BEX3: variants seen among roughly 807,000 people sequenced by gnomAD.
BEX3 encodes brain expressed X-linked 3.
A neutral mutation model predicts 6.1 loss-of-function variants in BEX3; 1 was observed. That is an observed-to-expected ratio of 0.16 (90% confidence interval 0.06 to 0.78). The LOEUF (loss-of-function observed/expected upper bound fraction) is 0.78. Among genes scored for constraint, BEX3 ranks in the 30% least tolerant of loss-of-function variants. BEX3 has a pLI of 0.75. For missense variants in BEX3, 49 were observed against 84.7 expected (o/e 0.58, Z 1.65); for synonymous variants, 33 against 25.2 (o/e 1.31, Z -0.93).
At chrX:103,376,533 T>G, upstream of BEX3, 1 of 753,322 alleles carries the variant, frequency 1.3e-6, no homozygotes, top group South Asian at 6.8e-5. Flanking sequence ...TTCGGTGCAG[T>G]CGTCACTCGC....
At position 103,377,532 on chromosome X, in the gene BEX3, C is replaced by T. The variant is rs1326519800; in HGVS notation, c.11C>T (p.Pro4Leu). 4 of 1,208,744 alleles carry T rather than the reference C, an allele frequency of 3.3e-6. No individual in the cohort carries two copies. The highest frequency in any genetic ancestry group is 3.5e-5 in the African/African-American group (2 of 56,902). The change falls in exon 3 of 3, where the codon CCT becomes CTT. Residue 4 changes from proline (P) to leucine (L), a missense_variant. Pro to Leu is a moderately conservative substitution (Grantham distance 98). Coordinates refer to ENST00000361298, the MANE Select transcript of BEX3 (RefSeq NM_206917.3). ...CAGGAAAACGAAGAGATGGAGCAGC[C>T]TATGCAGAATGGAGAGGAAGACCGC... is the stretch of plus-strand genomic sequence containing the variant. MEQ[P>L]MQNGEEDRPL...
chrX:103,378,036 G>A lies in BEX3; in HGVS notation c.*209G>A. ...CAGCAGTAGTTTCACCCATTTGCAT[G>A]GAAAAATTTAAAGCTAATAAAGCAA... On this transcript the variant is annotated 3_prime_UTR_variant, in exon 3 of 3. Coordinates refer to ENST00000361298, the MANE Select transcript of BEX3 (RefSeq NM_206917.3). The A allele has an allele frequency of 2.8e-6, 1 of 359,312 alleles. No homozygotes were observed. Among genetic ancestry groups the A allele is most frequent in the Non-Finnish European group, 4.9e-6 (1 of 203,544 alleles). 29.6% of individuals were successfully genotyped at this position (359,312 alleles called of 1,213,427 possible). A position where few individuals can be genotyped will look rare whatever the true frequency, so the allele number is the denominator to read the frequency against.
rs1927278535 is a variant in BEX3 at position 103,377,667 on chromosome X, G to A, written c.146G>A (p.Gly49Glu). ...WAIPNRQIND[G>E]MGGDGDDMEI... ...ATACCCAATAGGCAGATCAATGATG[G>A]GATGGGTGGAGATGGAGATGATATG... The change falls in exon 3 of 3, where the codon GGG becomes GAG. Residue 49 changes from glycine (G) to glutamate (E), a missense_variant. Transcript: ENST00000361298. 1 of 1,209,087 alleles carries A rather than the reference G, an allele frequency of 8.3e-7. No individual in the cohort carries two copies. Among genetic ancestry groups the A allele is most frequent in the Non-Finnish European group, 1.1e-6 (1 of 894,874 alleles).
intron 1 of BEX3, 68 bp downstream of exon 1, chrX:103,376,681 C>T (rs1927231895): frequency 4.1e-6 from 2 of 489,792 alleles, no homozygotes; most frequent in South Asian, 1.1e-4. Flanking sequence ...GCGACAGGCG[C>T]AGAACAGCGC....
chrX:103,377,074 CG>C lies in BEX3; in HGVS notation c.-43del. ...CGCGGCGCACCTCGCGGCGAGAATC[CG>C]GAGGAGAAGGAGACTGCAAGGATAG... On this transcript the variant is annotated 5_prime_UTR_variant, in exon 2 of 3. Coordinates refer to ENST00000361298, the MANE Select transcript of BEX3 (RefSeq NM_206917.3). The C allele has an allele frequency of 3.2e-6, 1 of 315,008 alleles. No homozygotes were observed. Among genetic ancestry groups the C allele is most frequent in the Non-Finnish European group, 4.3e-6 (1 of 234,195 alleles). The allele number at this position is 315,008 out of a possible 1,213,427, so 26.0% of individuals were successfully genotyped here.
chrX:103,377,001 A>G (rs868027055), intron 1 of BEX3, 27 bp from the exon 2 acceptor site: 1 of 46,975 alleles, frequency 2.1e-5, no homozygotes. Flanking sequence ...CCCACCCCCC[A>G]CAACCCCCAC....
intron 1 of BEX3, 102 bp downstream of exon 1, chrX:103,376,715 C>A (rs1417932523): frequency 3.6e-6 from 1 of 276,954 alleles, no homozygotes; most frequent in African/African-American, 3.0e-5. Flanking sequence ...CAGCTTTCTC[C>A]ACACCCCAAC....
Position 103,377,606 on chromosome X carries a change from C to G in BEX3, c.85C>G (p.Gln29Glu), listed in dbSNP as rs374835841. The G allele has an allele frequency of 8.3e-7, 1 of 1,209,626 alleles. No homozygotes were observed. The highest frequency in any genetic ancestry group is 1.8e-5 in the African/African-American group (1 of 56,968). The change falls in exon 3 of 3, where the codon CAG becomes GAG. Residue 29 changes from glutamine (Q) to glutamate (E), a missense_variant. By Grantham distance (29) the Gln-to-Glu change is conservative (BLOSUM62 2). Coordinates refer to ENST00000361298, the MANE Select transcript of BEX3 (RefSeq NM_206917.3). The stretch of plus-strand genomic sequence containing the variant: ...CCAGCCTGCAGGAAATCGACGGGGA[C>G]AGGCTCGCCGACTTGCCCCTAATTT... The part of the protein sequence containing the change: ...GHQPAGNRRG[Q>E]ARRLAPNFRW...
In BEX3 at chrX:103,376,679, C is replaced by T. The variant is rs1474945286; in HGVS notation, c.-92+66C>T. Reference sequence around the variant, plus strand: ...GCGGCTGACCGACCTCGGCGACAGGCGCAGAACAGCGCAGGGGGTCCCCGC... The same window carrying T: ...GCGGCTGACCGACCTCGGCGACAGGTGCAGAACAGCGCAGGGGGTCCCCGC... On this transcript the variant is annotated intron_variant, in intron 1 of 2. Transcript: ENST00000361298. 8.3e-6 allele frequency: 4 copies of T among 480,486 alleles called. No individual in the cohort carries two copies. In the African/African-American group the frequency reaches 1.1e-4, roughly 13 times the overall value. 39.6% of individuals were successfully genotyped at this position (480,486 alleles called of 1,213,427 possible). A position where few individuals can be genotyped will look rare whatever the true frequency, so the allele number is the denominator to read the frequency against.
chrX:103,376,680 G>A (rs1927231777), intron 1 of BEX3, 67 bp downstream of exon 1: 1 of 487,567 alleles, frequency 2.1e-6, no homozygotes. Flanking sequence ...GGCGACAGGC[G>A]CAGAACAGCG....
At chrX:103,376,363 A>T, upstream of BEX3, 1 of 547,039 alleles carries the variant, frequency 1.8e-6, no homozygotes, top group Non-Finnish European at 2.2e-6. Context: ...GGGGCACCTC[A>T]TGCAGACGGG....
At position 103,378,079 on chromosome X, in the gene BEX3, A is replaced by T; in HGVS notation, c.*252A>T. The T allele has an allele frequency of 3.0e-6, 1 of 333,928 alleles. No individual in the cohort carries two copies. The highest frequency in any genetic ancestry group is 8.5e-4 in the Middle Eastern group (1 of 1,172). The allele number at this position is 333,928 out of a possible 1,213,427, so 27.5% of individuals were successfully genotyped here. On this transcript the variant is annotated 3_prime_UTR_variant, in exon 3 of 3. Transcript: ENST00000361298. ...TAAAGCAATTTAAAAAGCAATCTAT[A>T]CATTTATTGTCTCATTAAAAATGTA... is the stretch of plus-strand genomic sequence containing the variant.
At position 103,377,600 on chromosome X, in the gene BEX3, C is replaced by G. The variant is rs755423227; in HGVS notation, c.79C>G (p.Arg27Gly). 1 of 1,211,602 alleles carries G rather than the reference C, an allele frequency of 8.3e-7. No individual in the cohort carries two copies. The highest frequency in any genetic ancestry group is 2.2e-5 in the Admixed American group (1 of 46,047). ...GEGHQPAGNR[R>G]GQARRLAPNF... ...AGGCCACCAGCCTGCAGGAAATCGA[C>G]GGGGACAGGCTCGCCGACTTGCCCC... Residue 27 changes from arginine (R) to glycine (G), a missense_variant, in exon 3 of 3, where the codon CGG becomes GGG. By Grantham distance (125) the Arg-to-Gly change is moderately radical (BLOSUM62 -2). Coordinates refer to ENST00000361298, the MANE Select transcript of BEX3 (RefSeq NM_206917.3).
At chrX:103,376,647 G>T (rs987506674) in intron 1 of BEX3, 34 bp downstream of exon 1, 36 of 690,656 alleles carry the variant, frequency 5.2e-5, no homozygotes, top group Non-Finnish European at 6.2e-5. Flanking sequence ...CCCCGGCCAT[G>T]CCAGCAGCGG....
At chrX:103,377,466 A>C in intron 2 of BEX3, 44 bp from the exon 3 acceptor site, 1 of 1,182,047 alleles carries the variant, frequency 8.5e-7, no homozygotes, top group Non-Finnish European at 1.1e-6. Flanking sequence ...TTCAAAGAAA[A>C]ACAACCAGAA....
chrX:103,376,600 G>A lies in BEX3; in HGVS notation c.-105G>A, dbSNP rs1927229136. The A allele has an allele frequency of 9.3e-6, 7 of 750,995 alleles. No individual in the cohort carries two copies. The highest frequency in any genetic ancestry group is 7.5e-4 in the Middle Eastern group (1 of 1,336). The allele number at this position is 750,995 out of a possible 1,213,427, so 61.9% of individuals were successfully genotyped here. The stretch of plus-strand genomic sequence containing the variant: ...TCGGCGGGCTGGCATTCGGCCCGGG[G>A]AAAAGCGGAGCAGGTAAGGGCTCCG... On this transcript the variant is annotated 5_prime_UTR_variant, in exon 1 of 3. Transcript: ENST00000361298.
chrX:103,376,593 G>T lies in BEX3; in HGVS notation c.-112G>T. ...CCTGAGCTCGGCGGGCTGGCATTCGGCCCGGGGAAAAGCGGAGCAGGTAAG... is the reference window on the plus strand; with the variant it reads ...CCTGAGCTCGGCGGGCTGGCATTCGTCCCGGGGAAAAGCGGAGCAGGTAAG... On this transcript the variant is annotated 5_prime_UTR_variant, in exon 1 of 3. Coordinates refer to ENST00000361298, the MANE Select transcript of BEX3 (RefSeq NM_206917.3). The T allele has an allele frequency of 1.3e-6, 1 of 753,750 alleles. No individual in the cohort carries two copies. Among genetic ancestry groups the T allele is most frequent in the South Asian group, 6.8e-5 (1 of 14,783 alleles). 62.1% of individuals were successfully genotyped at this position (753,750 alleles called of 1,213,427 possible).
chrX:103,377,263 T>A lies in BEX3; in HGVS notation c.-13+157T>A, dbSNP rs931689661. The stretch of plus-strand genomic sequence containing the variant: ...AAGAATCCCGGGAAACGAAAAATGG[T>A]GGGTTTGGGGGAAGGGAGGTAAGGG... On this transcript the variant is annotated intron_variant, in intron 2 of 2. Transcript: ENST00000361298. Among the ~76,000 whole-genome samples, 20 of 103,704 alleles carry A rather than the reference T, an allele frequency of 1.9e-4. No individual in the cohort carries two copies. The Admixed American group carries it at 2.0e-3, about 11-fold the overall frequency. 90.1% of individuals were successfully genotyped at this position (103,704 alleles called of 115,157 possible). A position where few individuals can be genotyped will look rare whatever the true frequency, so the allele number is the denominator to read the frequency against.
rs1334177169 is a variant in BEX3 at position 103,377,676 on chromosome X, G to A, written c.155G>A (p.Gly52Glu). 3.3e-6 allele frequency: 4 copies of A among 1,208,733 alleles called. No individual in the cohort carries two copies. The highest frequency in any genetic ancestry group is 2.2e-5 in the Admixed American group (1 of 45,672). The part of the protein sequence containing the change: ...PNRQINDGMG[G>E]DGDDMEIFME... ...AGGCAGATCAATGATGGGATGGGTG[G>A]AGATGGAGATGATATGGAAATATTC... The change falls in exon 3 of 3, where the codon GGA becomes GAA. Residue 52 changes from glycine to glutamate, a missense_variant. Gly to Glu is a moderately conservative substitution (Grantham distance 98). Coordinates refer to ENST00000361298, the MANE Select transcript of BEX3 (RefSeq NM_206917.3).
Sources: allele counts gnomAD v4.1 joint callset (sites outside exome capture counted in the v4.1 genomes callset), GRCh38; gene constraint gnomAD v4.1.1; transcripts MANE v1.5; gene names NCBI Gene and HGNC (gene_info 2026-07-23, HGNC 2026-07-21).